The following CABLES1 variants were observed in gnomAD, a reference collection of about 807,000 sequenced individuals.
The protein encoded by CABLES1 is CDK5 and ABL1 enzyme substrate 1.
Under a neutral mutation model 57.8 loss-of-function variants are expected in CABLES1, and 36 were observed. That is an observed-to-expected ratio of 0.62 (90% CI 0.48 to 0.82). The LOEUF (loss-of-function observed/expected upper bound fraction) is 0.82, where lower values mean the gene tolerates loss of function less well. Ranked by LOEUF, CABLES1 falls within the 40% of genes least tolerant of loss-of-function variation. The probability of loss-of-function intolerance (pLI) is 0.00; values close to 1 mark genes in which losing one functional copy is unlikely to be tolerated. For missense variants in CABLES1, 767 were observed against 836.6 expected, an observed-to-expected ratio of 0.92 and a Z score of 1.03; for synonymous variants, 374 against 363.0, an observed-to-expected ratio of 1.03 and a Z score of -0.35.
intron 7 of CABLES1, 47 bp downstream of exon 7, chr18:23,237,292 C>A: frequency 7.5e-7 from 1 of 1,335,836 alleles, no homozygotes; most frequent in Non-Finnish European, 1.1e-6. Flanking sequence ...CGTCAGTTGC[C>A]CCACCTGGGT....
At chr18:23,153,279 G>A (rs1364813317) in intron 1 of CABLES1, among the ~76,000 whole-genome samples, 4 of 151,010 alleles carry the variant, frequency 2.6e-5, no homozygotes, top group Non-Finnish European at 5.9e-5. Context: ...TATTTTTTTT[G>A]TAGAGATGAG....
chr18:23,245,530 G>T (rs963057709), intron 7 of CABLES1, among the ~76,000 whole-genome samples: 2 of 151,228 alleles, frequency 1.3e-5, no homozygotes, highest in African/African-American at 2.4e-5. Flanking sequence ...AGCGAAATAG[G>T]TATCAGTGTT....
At chr18:23,171,919 C>G (rs564637130) in intron 1 of CABLES1, among the ~76,000 whole-genome samples, 3 of 152,134 alleles carry the variant, frequency 2.0e-5, no homozygotes, top group Non-Finnish European at 4.4e-5. Context: ...AGGGACCAAG[C>G]CTTATGTTTC....
intron 1 of CABLES1, among the ~76,000 whole-genome samples, chr18:23,147,792 A>G (rs2046900810): frequency 6.6e-6 from 1 of 152,160 alleles, no homozygotes; most frequent in Non-Finnish European, 1.5e-5. Context: ...GTGAAGAGCA[A>G]CAACCGGTTT....
intron 1 of CABLES1, among the ~76,000 whole-genome samples, chr18:23,187,008 AGCTGCAAGT>A (rs1252505046): frequency 1.3e-5 from 2 of 152,200 alleles, no homozygotes; most frequent in Non-Finnish European, 2.9e-5. Context: ...TCAGAGCTGC[AGCTGCAAGT>A]GCTGTCACAG....
At chr18:23,257,078 T>TG in intron 9 of CABLES1, 149 bp from the exon 10 acceptor site, 1 of 836,106 alleles carries the variant, frequency 1.2e-6, no homozygotes, top group Admixed American at 2.9e-5. Context: ...AAGCACAGCC[T>TG]GTGCCTCCCT....
At chr18:23,214,137 T>C in intron 4 of CABLES1, 83 bp downstream of exon 4, 1 of 915,998 alleles carries the variant, frequency 1.1e-6, no homozygotes, top group Non-Finnish European at 1.7e-6. Context: ...TCCTTTCCAT[T>C]TTCAAGAAGT....
intron 1 of CABLES1, among the ~76,000 whole-genome samples, chr18:23,149,456 A>G (rs945563466): frequency 2.0e-5 from 3 of 151,768 alleles, no homozygotes; most frequent in Admixed American, 1.3e-4. Context: ...AAATTTTTGT[A>G]TTTTTAGTGG....
chr18:23,137,754 G>A (rs960551185), intron 1 of CABLES1, among the ~76,000 whole-genome samples: 7 of 152,228 alleles, frequency 4.6e-5, no homozygotes, highest in African/African-American at 1.7e-4. Context: ...TTTGCCCCTA[G>A]TGTACTTCTT....
In CABLES1 at chr18:23,146,412, G is replaced by T. The variant is rs2046891957; in HGVS notation, c.845+9805G>T. 5.3e-5 allele frequency among the ~76,000 whole-genome samples: 8 copies of T among 152,170 alleles called. No individual in the cohort carries two copies. The South Asian group carries it at 1.7e-3, about 32-fold the overall frequency. On this transcript the variant is annotated intron_variant, in intron 1 of 9. Coordinates refer to ENST00000256925, the MANE Select transcript of CABLES1 (RefSeq NM_001100619.3). Reference sequence around the variant, plus strand: ...TCTGCCTCCCGGGTTCAAGCGATTGGCCAGGCTTGTCTCGAACTCCTGACT... The same window carrying T: ...TCTGCCTCCCGGGTTCAAGCGATTGTCCAGGCTTGTCTCGAACTCCTGACT...
chr18:23,179,600 G>A (rs1015789832), intron 1 of CABLES1, among the ~76,000 whole-genome samples: 2 of 152,232 alleles, frequency 1.3e-5, no homozygotes, highest in Non-Finnish European at 2.9e-5. Context: ...GACCTGGCCC[G>A]GCCAGTATGC....
At chr18:23,215,836 C>T (rs1364108193) in intron 4 of CABLES1, among the ~76,000 whole-genome samples, 1 of 151,792 alleles carries the variant, frequency 6.6e-6, no homozygotes, top group Non-Finnish European at 1.5e-5. Flanking sequence ...TCACTGCAAG[C>T]TCCGCCTCCC....
intron 1 of CABLES1, among the ~76,000 whole-genome samples, chr18:23,174,106 A>G (rs1044637626): frequency 1.3e-5 from 2 of 152,226 alleles, no homozygotes; most frequent in South Asian, 2.1e-4. Flanking sequence ...GTCTCTTCCC[A>G]TTCCTCCCCC....
At position 23,136,050 on chromosome 18, in the gene CABLES1, G is replaced by A. The variant is rs1206599931; in HGVS notation, c.288G>A (p.Pro96=). 1.7e-6 allele frequency: 2 copies of A among 1,146,418 alleles called. No individual in the cohort carries two copies. Among genetic ancestry groups the A allele is most frequent in the Non-Finnish European group, 2.1e-6 (2 of 934,948 alleles). 71.0% of individuals were successfully genotyped at this position (1,146,418 alleles called of 1,614,324 possible). A position where few individuals can be genotyped will look rare whatever the true frequency, so the allele number is the denominator to read the frequency against. ...GGGEEGGAAK[P]GAGGACGART... The stretch of plus-strand genomic sequence containing the variant: ...GCGAGGAGGGCGGCGCGGCCAAGCC[G>A]GGCGCCGGCGGCGCCTGCGGCGCGA... Residue 96 remains proline, a synonymous_variant, in exon 1 of 10, where the codon CCG becomes CCA. Coordinates refer to ENST00000256925, the MANE Select transcript of CABLES1 (RefSeq NM_001100619.3).
chr18:23,161,997 C>G lies in CABLES1; in HGVS notation c.845+25390C>G, dbSNP rs137866156. ...CCTGACCAACATGGCGAAGCCCTGTCTCTACTAAATGCAAAAAATTAGCTG... is the reference window on the plus strand; with the variant it reads ...CCTGACCAACATGGCGAAGCCCTGTGTCTACTAAATGCAAAAAATTAGCTG... On this transcript the variant is annotated intron_variant, in intron 1 of 9. Transcript: ENST00000256925. Among the ~76,000 whole-genome samples, 220 of 151,904 alleles carry G rather than the reference C, an allele frequency of 1.4e-3. 2 individuals are homozygous for G. The highest frequency in any genetic ancestry group is 4.9e-3 in the African/African-American group (205 of 41,452).
At chr18:23,174,479 C>CTTTTTTTTTTT (rs979810121) in intron 1 of CABLES1, among the ~76,000 whole-genome samples, 1 of 148,228 alleles carries the variant, frequency 6.7e-6, no homozygotes, top group African/African-American at 2.5e-5. Flanking sequence ...GTGTTTAAAA[C>CTTTTTTTTTTT]TTTTTTTTTT....
At chr18:23,246,537 A>G (rs112155257) in intron 7 of CABLES1, among the ~76,000 whole-genome samples, 17,151 of 151,512 alleles carry the variant, frequency 0.11, 1,264 homozygotes, top group Admixed American at 0.23. Context: ...GACTACAGGC[A>G]CCCGCCACCA....
At chr18:23,141,843 G>A (rs995851020) in intron 1 of CABLES1, among the ~76,000 whole-genome samples, 6 of 152,132 alleles carry the variant, frequency 3.9e-5, no homozygotes, top group Non-Finnish European at 5.9e-5. Context: ...CCCAGGAAGC[G>A]CCGATGCCTG....
At chr18:23,247,242 G>A (rs866123015) in intron 7 of CABLES1, among the ~76,000 whole-genome samples, 3 of 152,232 alleles carry the variant, frequency 2.0e-5, no homozygotes, top group African/African-American at 7.2e-5. Context: ...AGGATGTGCC[G>A]GAGAATCATG....
Sources: gnomAD v4.1 joint callset for allele counts (sites outside exome capture counted in the v4.1 genomes callset) on GRCh38, gnomAD v4.1.1 for gene constraint, MANE v1.5 for transcripts, NCBI Gene and HGNC (gene_info 2026-07-23, HGNC 2026-07-21) for gene names.